The following CACNA2D3 variants were observed in gnomAD, a reference collection of about 807,000 sequenced individuals.
CACNA2D3 encodes calcium voltage-gated channel auxiliary subunit alpha2delta 3, also known as voltage-dependent calcium channel subunit alpha-2/delta-3.
Under a neutral mutation model 160.6 loss-of-function variants are expected in CACNA2D3, and 60 were observed. The ratio of observed to expected loss-of-function variants is 0.37; its 90% CI spans 0.30 to 0.46. The LOEUF (loss-of-function observed/expected upper bound fraction) is 0.46. CACNA2D3 is among the 20% of genes least tolerant of loss of function. The pLI is 1.00. For synonymous variants in CACNA2D3, 558 were observed against 492.9 expected (o/e 1.13, Z -1.75); for missense variants, 1,205 against 1,365.0 (o/e 0.88, Z 1.85).
chr3:54,609,587 A>G (rs1376952324), intron 9 of CACNA2D3, among the ~76,000 whole-genome samples: 2 of 152,192 alleles, frequency 1.3e-5, no homozygotes. Context: ...TAGCAGTTCT[A>G]TGATGTGATC....
Position 54,294,903 on chromosome 3 carries a change from G to A in CACNA2D3, c.205-25539G>A, listed in dbSNP as rs150668112. ...GGGGTTTGAAATGTAGGGAGAGACTGTATGTGGCTTTTTCTCCTAGTTTGA... is the reference window on the plus strand; with the variant it reads ...GGGGTTTGAAATGTAGGGAGAGACTATATGTGGCTTTTTCTCCTAGTTTGA... On this transcript the variant is annotated intron_variant, in intron 2 of 37. Transcript: ENST00000474759. 1.3e-3 allele frequency among the ~76,000 whole-genome samples: 199 copies of A among 152,198 alleles called. No homozygotes were observed. In the Middle Eastern group the frequency reaches 0.017, roughly 13 times the overall value.
intron 13 of CACNA2D3, among the ~76,000 whole-genome samples, chr3:54,774,629 ATTTTTT>A (rs111655457): frequency 3.5e-4 from 38 of 107,894 alleles, no homozygotes; most frequent in South Asian, 1.8e-3. Flanking sequence ...CTCTTTGACT[ATTTTTT>A]TTTTTTTTTT....
chr3:54,932,139 A>G (rs897463803), intron 27 of CACNA2D3, among the ~76,000 whole-genome samples: 4 of 152,190 alleles, frequency 2.6e-5, no homozygotes, highest in African/African-American at 9.7e-5. Flanking sequence ...AGATCACGCC[A>G]CTACACAGCA....
chr3:54,954,174 A>C (rs1278076272), intron 27 of CACNA2D3, among the ~76,000 whole-genome samples: 1 of 152,178 alleles, frequency 6.6e-6, no homozygotes, highest in Non-Finnish European at 1.5e-5. Flanking sequence ...ACCCAGTCGC[A>C]TCTGGTCTTC....
At chr3:54,129,936 A>C (rs1161033611) in intron 2 of CACNA2D3, among the ~76,000 whole-genome samples, 1 of 152,146 alleles carries the variant, frequency 6.6e-6, no homozygotes, top group Non-Finnish European at 1.5e-5. Context: ...GATGTTAGAG[A>C]GGCTGACTTG....
At chr3:54,798,526 ACT>A (rs1702917993) in intron 13 of CACNA2D3, among the ~76,000 whole-genome samples, 1 of 151,924 alleles carries the variant, frequency 6.6e-6, no homozygotes, top group African/African-American at 2.4e-5. Flanking sequence ...ACAGAGCGAG[ACT>A]CCATCTCAAA....
intron 11 of CACNA2D3, among the ~76,000 whole-genome samples, chr3:54,715,249 C>G (rs1228414409): frequency 6.6e-6 from 1 of 152,162 alleles, no homozygotes; most frequent in East Asian, 1.9e-4. Context: ...AATAAATGTA[C>G]ACGTTTATTA....
intron 8 of CACNA2D3, among the ~76,000 whole-genome samples, chr3:54,581,212 T>C (rs966557137): frequency 6.6e-6 from 1 of 151,976 alleles, no homozygotes; most frequent in Non-Finnish European, 1.5e-5. Flanking sequence ...TTCGGGCAAA[T>C]AAAAAGTGTG....
At chr3:54,931,053 G>C (rs921383365) in intron 27 of CACNA2D3, among the ~76,000 whole-genome samples, 19 of 152,284 alleles carry the variant, frequency 1.2e-4, no homozygotes, top group Non-Finnish European at 2.6e-4. Context: ...CCGAGATCGT[G>C]CCACTGTACT....
At chr3:54,243,572 G>C (rs540443358) in intron 2 of CACNA2D3, among the ~76,000 whole-genome samples, 5 of 152,162 alleles carry the variant, frequency 3.3e-5, no homozygotes, top group Non-Finnish European at 7.3e-5. Context: ...GGCCACTGAA[G>C]CATTTGATAG....
At chr3:54,698,278 G>A (rs1249034660) in intron 11 of CACNA2D3, among the ~76,000 whole-genome samples, 1 of 152,160 alleles carries the variant, frequency 6.6e-6, no homozygotes. Context: ...GGGACTGGGG[G>A]ATGGTTAACT....
chr3:54,924,587 C>A, intron 27 of CACNA2D3: 1 of 1,531,120 alleles, frequency 6.5e-7, no homozygotes, highest in South Asian at 1.1e-5. Flanking sequence ...TGGTAACACA[C>A]AGATGGGGGG....
At chr3:54,763,997 C>T (rs1294079922) in intron 12 of CACNA2D3, among the ~76,000 whole-genome samples, 10 of 149,718 alleles carry the variant, frequency 6.7e-5, no homozygotes, top group Non-Finnish European at 1.3e-4. Flanking sequence ...AATTTTATTA[C>T]ATTTGCTTGA....
At chr3:54,524,072 T>G (rs1211919548) in intron 5 of CACNA2D3, among the ~76,000 whole-genome samples, 2 of 152,084 alleles carry the variant, frequency 1.3e-5, no homozygotes, top group Non-Finnish European at 2.9e-5. Context: ...CTTTTTCCAG[T>G]GTGTTAGGGT....
chr3:54,689,091 A>T (rs892025224), intron 11 of CACNA2D3, among the ~76,000 whole-genome samples: 11 of 150,504 alleles, frequency 7.3e-5, no homozygotes, highest in African/African-American at 2.4e-4. Context: ...TGCAATTATT[A>T]ATGCTAATAA....
chr3:54,991,834 A>G (rs1702750350), intron 31 of CACNA2D3, among the ~76,000 whole-genome samples: 1 of 152,220 alleles, frequency 6.6e-6, no homozygotes, highest in East Asian at 1.9e-4. Flanking sequence ...TAACTAAAAT[A>G]CAATATGTTA....
chr3:54,493,821 C>G (rs1299878721), intron 4 of CACNA2D3, among the ~76,000 whole-genome samples: 1 of 152,160 alleles, frequency 6.6e-6, no homozygotes, highest in Non-Finnish European at 1.5e-5. Context: ...CAGCCAGGCC[C>G]GTTTGTATTA....
chr3:54,835,360 A>G (rs1559599610), intron 14 of CACNA2D3, among the ~76,000 whole-genome samples: 1 of 152,224 alleles, frequency 6.6e-6, no homozygotes, highest in Non-Finnish European at 1.5e-5. Context: ...CATTAAAATA[A>G]TTATTCACAT....
intron 25 of CACNA2D3, among the ~76,000 whole-genome samples, chr3:54,892,182 C>A (rs17252876): frequency 0.13 from 20,024 of 152,108 alleles, 1,383 homozygotes; most frequent in African/African-American, 0.15. Flanking sequence ...GAAGCAAGAG[C>A]GATTGTTAAG....
Sources: allele counts gnomAD v4.1 joint callset (sites outside exome capture counted in the v4.1 genomes callset), GRCh38; gene constraint gnomAD v4.1.1; transcripts MANE v1.5; gene names NCBI Gene and HGNC (gene_info 2026-07-23, HGNC 2026-07-21).